CTNNA1: variants seen among roughly 807,000 people sequenced by gnomAD.
The protein encoded by CTNNA1 is catenin alpha 1.
CTNNA1 carries 37 observed loss-of-function variants against 98.4 expected under a neutral mutation model. The ratio of observed to expected loss-of-function variants is 0.38; its 90% CI spans 0.29 to 0.49. The LOEUF (loss-of-function observed/expected upper bound fraction) is 0.49. Among genes scored for constraint, CTNNA1 ranks in the 20% least tolerant of loss-of-function variants. The probability of loss-of-function intolerance (pLI) is 0.95; values close to 1 mark genes in which losing one functional copy is unlikely to be tolerated. For missense variants in CTNNA1, 761 were observed against 1,147.2 expected (o/e 0.66, Z 4.86); for synonymous variants, 404 against 413.2 (o/e 0.98, Z 0.27).
In CTNNA1 at chr5:138,887,524, C is replaced by A. The variant is rs1754339244; in HGVS notation, c.1178C>A (p.Ser393Tyr). ...GCTGTCATGGACCACGTTTCAGATTCTTTCCTGGAAACCAATGTTCCACTT... is the reference window on the plus strand; with the variant it reads ...GCTGTCATGGACCACGTTTCAGATTATTTCCTGGAAACCAATGTTCCACTT... ...RKAVMDHVSD[S>Y]FLETNVPLLV... The change falls in exon 9 of 18, where the codon TCT becomes TAT. Residue 393 changes from serine (S) to tyrosine (Y), a missense_variant. Coordinates refer to ENST00000302763, the MANE Select transcript of CTNNA1 (RefSeq NM_001903.5). 3 of 1,609,500 alleles carry A rather than the reference C, an allele frequency of 1.9e-6. No individual in the cohort carries two copies. Among genetic ancestry groups the A allele is most frequent in the Non-Finnish European group, 2.5e-6 (3 of 1,178,000 alleles).
chr5:138,774,682 C>T (rs925035767), intron 1 of CTNNA1, among the ~76,000 whole-genome samples: 12 of 151,630 alleles, frequency 7.9e-5, no homozygotes, highest in African/African-American at 1.9e-4. Context: ...AGTGCAGTGG[C>T]GCGATCTCGG....
At chr5:138,842,318 T>TACTG (rs1216228852) in intron 7 of CTNNA1, among the ~76,000 whole-genome samples, 2 of 152,124 alleles carry the variant, frequency 1.3e-5, no homozygotes, top group African/African-American at 4.8e-5. Flanking sequence ...AGACCAGTAA[T>TACTG]ACTGAACTGT....
At chr5:138,798,924 C>T (rs1454896117) in intron 3 of CTNNA1, among the ~76,000 whole-genome samples, 1 of 152,072 alleles carries the variant, frequency 6.6e-6, no homozygotes, top group Non-Finnish European at 1.5e-5. Context: ...CTTTTGTGTG[C>T]AGAGAGCACT....
At chr5:138,812,660 C>T (rs969202935) in intron 5 of CTNNA1, among the ~76,000 whole-genome samples, 1 of 152,158 alleles carries the variant, frequency 6.6e-6, no homozygotes, top group African/African-American at 2.4e-5. Flanking sequence ...TTTAAATATA[C>T]TGGAATTATC....
At chr5:138,800,672 G>A (rs1388256203) in intron 3 of CTNNA1, among the ~76,000 whole-genome samples, 3 of 152,080 alleles carry the variant, frequency 2.0e-5, no homozygotes, top group African/African-American at 4.8e-5. Flanking sequence ...GCATGGTGGC[G>A]CATGCCTGTA....
intron 1 of CTNNA1, among the ~76,000 whole-genome samples, chr5:138,765,110 G>A (rs1171028453): frequency 2.0e-5 from 3 of 151,080 alleles, no homozygotes; most frequent in Non-Finnish European, 4.4e-5. Context: ...GCATGATCTC[G>A]GCTCACTGCA....
In CTNNA1 at chr5:138,907,523, C is replaced by T. The variant is rs143604002; in HGVS notation, c.1389+3082C>T. On this transcript the variant is annotated intron_variant, in intron 10 of 17. Coordinates refer to ENST00000302763, the MANE Select transcript of CTNNA1 (RefSeq NM_001903.5). ...TTCAAGGAAGCGAAGGGCTGTCCCT[C>T]GGAGGAAGAGGGCCTTGATTGTGGA... Among the ~76,000 whole-genome samples the T allele has an allele frequency of 1.3e-3, 200 of 152,232 alleles. 1 individual carries two copies. The East Asian group carries it at 0.035, about 27-fold the overall frequency.
intron 3 of CTNNA1, among the ~76,000 whole-genome samples, chr5:138,795,318 C>T (rs1231424846): frequency 6.6e-6 from 1 of 151,814 alleles, no homozygotes; most frequent in African/African-American, 2.4e-5. Flanking sequence ...ATTAGCTGGG[C>T]GTGTTGGCGC....
chr5:138,923,359 T>G (rs143916834), intron 11 of CTNNA1, among the ~76,000 whole-genome samples: 72 of 152,328 alleles, frequency 4.7e-4, no homozygotes, highest in African/African-American at 1.7e-3. Context: ...TTTAATATGT[T>G]TACTCTTTTC....
chr5:138,795,708 C>T (rs906211972), intron 3 of CTNNA1, among the ~76,000 whole-genome samples: 3 of 151,748 alleles, frequency 2.0e-5, no homozygotes, highest in Non-Finnish European at 1.5e-5. Flanking sequence ...AAGTACAGGG[C>T]AGTTTTATTA....
chr5:138,848,142 G>A (rs1384086959), intron 7 of CTNNA1, among the ~76,000 whole-genome samples: 2 of 128,888 alleles, frequency 1.6e-5, no homozygotes, highest in Admixed American at 1.7e-4. Flanking sequence ...TTATTGAAGG[G>A]ATTTTCTATG....
intron 7 of CTNNA1, among the ~76,000 whole-genome samples, chr5:138,837,306 G>A (rs1761868989): frequency 1.3e-5 from 2 of 152,088 alleles, no homozygotes; most frequent in Non-Finnish European, 2.9e-5. Flanking sequence ...GTTATCATGT[G>A]GTCTAGGGGT....
chr5:138,879,171 T>TAAAAAAA (rs35271091), intron 7 of CTNNA1, among the ~76,000 whole-genome samples: 17 of 80,316 alleles, frequency 2.1e-4, no homozygotes, highest in South Asian at 6.0e-4. Flanking sequence ...ACTCCGTCTT[T>TAAAAAAA]AAAAAAAAAA....
chr5:138,817,168 G>T (rs1759520578), intron 5 of CTNNA1, among the ~76,000 whole-genome samples: 2 of 152,192 alleles, frequency 1.3e-5, no homozygotes, highest in African/African-American at 4.8e-5. Context: ...TTGTTGTGCA[G>T]AAGATTTTTA....
At chr5:138,844,575 G>C (rs1762541626) in intron 7 of CTNNA1, among the ~76,000 whole-genome samples, 1 of 152,068 alleles carries the variant, frequency 6.6e-6, no homozygotes, top group Non-Finnish European at 1.5e-5. Flanking sequence ...TTTGGTTGTT[G>C]GTTGTTAAAA....
intron 5 of CTNNA1, among the ~76,000 whole-genome samples, chr5:138,818,535 A>G (rs994608360): frequency 1.3e-5 from 2 of 151,878 alleles, no homozygotes; most frequent in African/African-American, 4.8e-5. Context: ...GTTGGATTTT[A>G]GTGTGCTGGT....
intron 7 of CTNNA1, among the ~76,000 whole-genome samples, chr5:138,879,171 T>TAAAA (rs35271091): frequency 0.13 from 10,781 of 80,086 alleles, 955 homozygotes; most frequent in Middle Eastern, 0.17. Context: ...ACTCCGTCTT[T>TAAAA]AAAAAAAAAA....
intron 10 of CTNNA1, among the ~76,000 whole-genome samples, chr5:138,909,413 C>G (rs1760064112): frequency 6.7e-6 from 1 of 150,214 alleles, no homozygotes; most frequent in South Asian, 2.1e-4. Flanking sequence ...GGCTAGAGTG[C>G]AGTGGTGCCA....
intron 7 of CTNNA1, among the ~76,000 whole-genome samples, chr5:138,843,006 G>A (rs996600157): frequency 3.9e-5 from 6 of 152,112 alleles, no homozygotes; most frequent in African/African-American, 1.4e-4. Flanking sequence ...TAATTTGGGG[G>A]TTATGTTAAT....
Sources: gnomAD v4.1 joint callset for allele counts (sites outside exome capture counted in the v4.1 genomes callset) on GRCh38, gnomAD v4.1.1 for gene constraint, MANE v1.5 for transcripts, NCBI Gene and HGNC (gene_info 2026-07-23, HGNC 2026-07-21) for gene names.